The following MYLK4 variants were observed in gnomAD, a reference collection of about 807,000 sequenced individuals.
MYLK4 encodes the protein myosin light chain kinase family member 4, also known as caMLCK like.
Under a neutral mutation model 48.1 loss-of-function variants are expected in MYLK4, and 46 were observed. That is an observed-to-expected ratio of 0.96 (90% confidence interval 0.75 to 1.22). MYLK4 has a LOEUF of 1.22. MYLK4 is among the 50% of genes most tolerant of loss of function. The pLI is 0.00. For synonymous variants in MYLK4, 170 were observed against 180.8 expected, an observed-to-expected ratio of 0.94 and a Z score of 0.48; for missense variants, 451 against 486.1, an observed-to-expected ratio of 0.93 and a Z score of 0.68.
In MYLK4 at chr6:2,730,558, A is replaced by G. The variant is rs1450193584; in HGVS notation, c.159+18578T>C. 2.6e-5 allele frequency among the ~76,000 whole-genome samples: 4 copies of G among 152,328 alleles called. No individual in the cohort carries two copies. In the East Asian group the frequency reaches 7.7e-4, roughly 29 times the overall value. ...CACTTTTAATCAAAATAATCAGTCCAGTGTCTGAGGAGGAATGAATAGGGC... is the reference window on the plus strand; with the variant it reads ...CACTTTTAATCAAAATAATCAGTCCGGTGTCTGAGGAGGAATGAATAGGGC... On this transcript the variant is annotated intron_variant, in intron 2 of 12. Transcript: ENST00000274643.
At chr6:2,713,776 A>G (rs1762767911) in intron 2 of MYLK4, among the ~76,000 whole-genome samples, 1 of 152,146 alleles carries the variant, frequency 6.6e-6, no homozygotes, top group Non-Finnish European at 1.5e-5. Flanking sequence ...TGTATCCCAT[A>G]TTTAGGCCTA....
upstream of MYLK4, among the ~76,000 whole-genome samples, chr6:2,754,696 T>C (rs191365469): frequency 2.6e-5 from 4 of 152,244 alleles, no homozygotes; most frequent in East Asian, 7.7e-4. Flanking sequence ...GAAAACCCAA[T>C]AATATGATTA....
chr6:2,725,619 CAA>C (rs763305256), intron 2 of MYLK4, among the ~76,000 whole-genome samples: 7 of 123,642 alleles, frequency 5.7e-5, no homozygotes, highest in Admixed American at 8.0e-5. Context: ...AACAAACAAA[CAA>C]AGAAGGAAAG....
chr6:2,701,460 A>G (rs1381364865), intron 2 of MYLK4, among the ~76,000 whole-genome samples: 3 of 151,768 alleles, frequency 2.0e-5, no homozygotes, highest in Non-Finnish European at 4.4e-5. Flanking sequence ...CTGCGCTTAG[A>G]CTCAAGGAGT....
In MYLK4 at chr6:2,727,299, A is replaced by T. The variant is rs535242938; in HGVS notation, c.159+21837T>A. The stretch of plus-strand genomic sequence containing the variant: ...CTACTGTAAGATTCTGCCCACAAGG[A>T]AAGAGAAGACCCCGGAAAGCGCTGC... On this transcript the variant is annotated intron_variant, in intron 2 of 12. Coordinates refer to ENST00000274643, the MANE Select transcript of MYLK4 (RefSeq NM_001012418.5). Among the ~76,000 whole-genome samples the T allele has an allele frequency of 7.0e-4, 107 of 152,304 alleles. 1 individual carries two copies. Among genetic ancestry groups the T allele is most frequent in the Admixed American group, 1.7e-3 (26 of 15,296 alleles).
chr6:2,768,002 T>C, the MYLK4 span, among the ~76,000 whole-genome samples: 4 of 152,228 alleles, frequency 2.6e-5, no homozygotes, highest in African/African-American at 9.6e-5. Context: ...TCAGTTTTTC[T>C]TCTCATCCTT....
At chr6:2,677,652 C>G (rs1761128148) in intron 10 of MYLK4, among the ~76,000 whole-genome samples, 1 of 152,158 alleles carries the variant, frequency 6.6e-6, no homozygotes, top group Admixed American at 6.5e-5. Context: ...TAATAAATAA[C>G]AGCCAAGTGT....
intron 8 of MYLK4, 56 bp from the exon 9 acceptor site, chr6:2,679,464 A>G (rs1194510347): frequency 1.2e-6 from 2 of 1,603,966 alleles, no homozygotes; most frequent in Non-Finnish European, 1.7e-6. Context: ...AATCGTGAAC[A>G]CTGAAATGAT....
chr6:2,730,657 G>GAGGA (rs1763445957), intron 2 of MYLK4, among the ~76,000 whole-genome samples: 1 of 151,992 alleles, frequency 6.6e-6, no homozygotes, highest in Non-Finnish European at 1.5e-5. Flanking sequence ...ATTTAATACA[G>GAGGA]AGGAGATGCT....
chr6:2,746,467 A>C (rs892695027), intron 2 of MYLK4, among the ~76,000 whole-genome samples: 1 of 152,186 alleles, frequency 6.6e-6, no homozygotes, highest in African/African-American at 2.4e-5. Flanking sequence ...GGAAAACAAA[A>C]AGAATCTGAG....
At chr6:2,762,457 T>C in the MYLK4 span, among the ~76,000 whole-genome samples, 2 of 152,238 alleles carry the variant, frequency 1.3e-5, no homozygotes, top group Non-Finnish European at 2.9e-5. Context: ...AAGAAATTTG[T>C]TTCCATTTTA....
intron 3 of MYLK4, 93 bp downstream of exon 3, chr6:2,692,690 GC>G: frequency 9.4e-7 from 1 of 1,068,960 alleles, no homozygotes; most frequent in Non-Finnish European, 1.4e-6. Context: ...CCTGCACAGG[GC>G]TTTATGAATG....
intron 9 of MYLK4, 128 bp from the exon 10 acceptor site, chr6:2,678,500 T>A: frequency 9.8e-7 from 1 of 1,019,344 alleles, no homozygotes; most frequent in Non-Finnish European, 1.4e-6. Flanking sequence ...AAGCATAATT[T>A]TATAACATAT....
At chr6:2,711,793 CT>C (rs374154259) in intron 2 of MYLK4, among the ~76,000 whole-genome samples, 224 of 148,972 alleles carry the variant, frequency 1.5e-3, no homozygotes, top group Middle Eastern at 3.4e-3. Flanking sequence ...AGTTGGGTAT[CT>C]TTTTTTTTTA....
intron 10 of MYLK4, among the ~76,000 whole-genome samples, chr6:2,676,683 G>A (rs900641574): frequency 4.6e-5 from 7 of 152,136 alleles, no homozygotes; most frequent in African/African-American, 1.7e-4. Context: ...ATGCTCCTTG[G>A]GCATTCATGA....
chr6:2,727,967 A>T (rs1002919169), intron 2 of MYLK4, among the ~76,000 whole-genome samples: 1 of 136,928 alleles, frequency 7.3e-6, no homozygotes, highest in African/African-American at 2.7e-5. Flanking sequence ...AAAAAAAAAA[A>T]TGCTATCATT....
At chr6:2,741,155 A>T (rs978639256) in intron 2 of MYLK4, among the ~76,000 whole-genome samples, 2 of 152,350 alleles carry the variant, frequency 1.3e-5, no homozygotes, top group Non-Finnish European at 2.9e-5. Flanking sequence ...AGCAAAAATC[A>T]TGATAGTGGT....
chr6:2,688,917 A>G lies in MYLK4; in HGVS notation c.275T>C (p.Ile92Thr). 1 of 1,614,238 alleles carries G rather than the reference A, an allele frequency of 6.2e-7. No homozygotes were observed. Among genetic ancestry groups the G allele is most frequent in the African/African-American group, 1.3e-5 (1 of 75,070 alleles). ...PAPPAPFDHR[I>T]VTAKQGAVNS... Reference sequence around the variant, plus strand: ...GACCGCTCCTTGCTTGGCTGTCACAATACGATGATCAAATGGGGCCGGAGG... The same window carrying G: ...GACCGCTCCTTGCTTGGCTGTCACAGTACGATGATCAAATGGGGCCGGAGG... The change falls in exon 4 of 13, where the codon ATT becomes ACT. Residue 92 changes from isoleucine (I) to threonine (T), a missense_variant. By Grantham distance (89) the Ile-to-Thr change is moderately conservative. Transcript: ENST00000274643.
chr6:2,680,301 G>A lies in MYLK4; in HGVS notation c.688-10C>T. 6.2e-7 allele frequency: 1 copy of A among 1,613,758 alleles called. No individual in the cohort carries two copies. The highest frequency in any genetic ancestry group is 8.5e-7 in the Non-Finnish European group (1 of 1,179,974). ...ACAGGATATTCTCAGGCTGCCAGGA[G>A]AAAGAGACACATTAGCAATGAAAAC... On this transcript the variant is annotated splice_polypyrimidine_tract_variant and intron_variant, in intron 7 of 12. Transcript: ENST00000274643.
Sources: gnomAD v4.1 joint callset for allele counts (sites outside exome capture counted in the v4.1 genomes callset) on GRCh38, gnomAD v4.1.1 for gene constraint, MANE v1.5 for transcripts, NCBI Gene and HGNC (gene_info 2026-07-23, HGNC 2026-07-21) for gene names.